SYT1: variants seen among roughly 807,000 people sequenced by gnomAD.
SYT1 encodes the protein synaptotagmin-1.
A neutral mutation model predicts 44.8 loss-of-function variants in SYT1; 8 were observed. The observed-to-expected ratio is 0.18, with a 90% CI of 0.10 to 0.32. The LOEUF is 0.32. SYT1 is among the 10% of genes least tolerant of loss of function. SYT1 has a pLI of 1.00. For missense variants in SYT1, 286 were observed against 509.3 expected, an observed-to-expected ratio of 0.56 and a Z score of 4.22; for synonymous variants, 154 against 188.8, an observed-to-expected ratio of 0.82 and a Z score of 1.51.
chr12:79,257,387 G>C (rs549892380), intron 4 of SYT1, among the ~76,000 whole-genome samples: 1 of 152,370 alleles, frequency 6.6e-6, no homozygotes, highest in South Asian at 2.1e-4. Context: ...TGGTACTACA[G>C]TGAGGTCACA....
chr12:79,328,410 A>G (rs1446666551), intron 8 of SYT1, among the ~76,000 whole-genome samples: 2 of 152,160 alleles, frequency 1.3e-5, no homozygotes, highest in African/African-American at 4.8e-5. Flanking sequence ...ATGATATTAC[A>G]TCCTTTTTTA....
At chr12:79,434,732 C>A (rs2136185739) in intron 9 of SYT1, among the ~76,000 whole-genome samples, 1 of 152,286 alleles carries the variant, frequency 6.6e-6, no homozygotes, top group East Asian at 1.9e-4. Flanking sequence ...AGATGTCTCT[C>A]TGCAAATAAG....
At chr12:79,212,036 G>T (rs946608335) in intron 3 of SYT1, among the ~76,000 whole-genome samples, 1 of 152,098 alleles carries the variant, frequency 6.6e-6, no homozygotes, top group African/African-American at 2.4e-5. Flanking sequence ...TTGTCAGGAG[G>T]TAGAGGAGTT....
intron 9 of SYT1, among the ~76,000 whole-genome samples, chr12:79,417,741 G>T (rs1868838630): frequency 6.6e-6 from 1 of 152,056 alleles, no homozygotes; most frequent in African/African-American, 2.4e-5. Context: ...ACACAGGGGA[G>T]GTTTTGTGGG....
intron 9 of SYT1, among the ~76,000 whole-genome samples, chr12:79,426,620 T>C (rs1476251646): frequency 6.6e-6 from 1 of 152,144 alleles, no homozygotes; most frequent in Non-Finnish European, 1.5e-5. Context: ...GATAATCTAA[T>C]ATTGATAACC....
At chr12:79,106,029 T>A (rs574193525) in intron 3 of SYT1, among the ~76,000 whole-genome samples, 1 of 152,186 alleles carries the variant, frequency 6.6e-6, no homozygotes, top group Admixed American at 6.5e-5. Context: ...AGAGAATATA[T>A]AATTGAAATA....
chr12:79,019,468 T>C (rs2137614994), intron 2 of SYT1, among the ~76,000 whole-genome samples: 1 of 152,108 alleles, frequency 6.6e-6, no homozygotes, highest in African/African-American at 2.4e-5. Context: ...ATAATGATAG[T>C]AATCATAATG....
chr12:79,141,806 T>C (rs984884285), intron 3 of SYT1, among the ~76,000 whole-genome samples: 1 of 152,214 alleles, frequency 6.6e-6, no homozygotes, highest in Non-Finnish European at 1.5e-5. Flanking sequence ...TTCTGTCTTA[T>C]GGAGCCCATA....
chr12:79,109,278 A>G (rs1752084232), intron 3 of SYT1, among the ~76,000 whole-genome samples: 1 of 152,230 alleles, frequency 6.6e-6, no homozygotes, highest in Non-Finnish European at 1.5e-5. Context: ...ATTGAACTTT[A>G]TCATATGCCG....
chr12:79,022,394 T>C (rs1024161800), intron 2 of SYT1, among the ~76,000 whole-genome samples: 1 of 151,786 alleles, frequency 6.6e-6, no homozygotes, highest in Non-Finnish European at 1.5e-5. Context: ...CAAGACGTTT[T>C]TAAAGAAGAT....
intron 4 of SYT1, among the ~76,000 whole-genome samples, chr12:79,275,818 G>A (rs1437809790): frequency 1.3e-5 from 2 of 152,128 alleles, no homozygotes; most frequent in Non-Finnish European, 2.9e-5. Context: ...TGTGGGGAGG[G>A]AAGTACACAT....
chr12:79,280,452 A>G (rs1342174635), intron 4 of SYT1, among the ~76,000 whole-genome samples: 1 of 151,978 alleles, frequency 6.6e-6, no homozygotes, highest in Non-Finnish European at 1.5e-5. Flanking sequence ...AGCCAAATAC[A>G]GAAGAATGAA....
intron 4 of SYT1, among the ~76,000 whole-genome samples, chr12:79,263,704 A>C (rs1415327405): frequency 2.0e-5 from 3 of 152,204 alleles, no homozygotes; most frequent in African/African-American, 7.2e-5. Context: ...AAACACAGCT[A>C]TCCCTTTTAT....
At chr12:79,306,831 T>C (rs1880420441) in intron 8 of SYT1, among the ~76,000 whole-genome samples, 1 of 152,018 alleles carries the variant, frequency 6.6e-6, no homozygotes. Context: ...TGGGAACAAA[T>C]ATAAAACAAA....
intron 3 of SYT1, among the ~76,000 whole-genome samples, chr12:79,132,182 G>A (rs758201546): frequency 3.3e-5 from 5 of 152,148 alleles, no homozygotes; most frequent in African/African-American, 4.8e-5. Flanking sequence ...CGAGAGTGGT[G>A]GCTCACACCT....
intron 1 of SYT1, among the ~76,000 whole-genome samples, chr12:78,908,613 C>T (rs2137119449): frequency 6.6e-6 from 1 of 152,000 alleles, no homozygotes; most frequent in Admixed American, 6.6e-5. Context: ...TCCCCAAACA[C>T]TAAAATATGG....
At chr12:79,051,076 C>A (rs1348723573) in intron 3 of SYT1, among the ~76,000 whole-genome samples, 1 of 151,496 alleles carries the variant, frequency 6.6e-6, no homozygotes, top group East Asian at 1.9e-4. Flanking sequence ...TAACCACCCA[C>A]CATTTTTTTC....
chr12:79,156,669 G>A (rs542528869), intron 3 of SYT1, among the ~76,000 whole-genome samples: 5 of 152,106 alleles, frequency 3.3e-5, no homozygotes, highest in African/African-American at 4.8e-5. Flanking sequence ...GGGTTTCACC[G>A]TGTTAGCCAG....
chr12:79,258,760 T>C (rs1472082012), intron 4 of SYT1, among the ~76,000 whole-genome samples: 1 of 152,262 alleles, frequency 6.6e-6, no homozygotes, highest in African/African-American at 2.4e-5. Context: ...TAGTCATATG[T>C]GGCCTTAGTA....
Sources: allele counts gnomAD v4.1 joint callset (sites outside exome capture counted in the v4.1 genomes callset), GRCh38; gene constraint gnomAD v4.1.1; transcripts MANE v1.5; gene names NCBI Gene and HGNC (gene_info 2026-07-23, HGNC 2026-07-21).